Variants in PTPRO observed in about 807,000 individuals in gnomAD.
PTPRO encodes the protein protein tyrosine phosphatase receptor type O.
A neutral mutation model predicts 145.2 loss-of-function variants in PTPRO; 62 were observed. The observed-to-expected ratio is 0.43, with a 90% CI of 0.35 to 0.53. The LOEUF (loss-of-function observed/expected upper bound fraction) is 0.53, where lower values mean the gene tolerates loss of function less well. Ranked by LOEUF, PTPRO falls within the 20% of genes least tolerant of loss-of-function variation. The pLI, the probability that PTPRO is intolerant of heterozygous loss-of-function variation, is 0.01. For synonymous variants in PTPRO, 565 were observed against 514.7 expected (o/e 1.10, Z -1.32); for missense variants, 1,345 against 1,482.7 (o/e 0.91, Z 1.53).
chr12:15,544,484 G>C (rs1366271617), intron 12 of PTPRO, among the ~76,000 whole-genome samples: 1 of 132,140 alleles, frequency 7.6e-6, no homozygotes, highest in Non-Finnish European at 1.6e-5. Context: ...CTCCAGCCTG[G>C]TGACAGAGCG....
chr12:15,444,902 G>A (rs556445561), intron 1 of PTPRO, among the ~76,000 whole-genome samples: 9 of 152,136 alleles, frequency 5.9e-5, no homozygotes, highest in African/African-American at 1.9e-4. Flanking sequence ...TTTCACACTG[G>A]CCTTATTCCA....
intron 1 of PTPRO, among the ~76,000 whole-genome samples, chr12:15,430,204 C>T (rs1281514812): frequency 6.6e-6 from 1 of 151,228 alleles, no homozygotes; most frequent in Non-Finnish European, 1.5e-5. Context: ...AGAGGAGTCC[C>T]TACAGAGATA....
Position 15,354,315 on chromosome 12 carries a change from C to T in PTPRO, c.75+31514C>T, listed in dbSNP as rs117980549. ...TGATTTCACCGTTCTTCCACTGAAG[C>T]TTCACCATAAATGTGATGTTTGTTC... is the stretch of plus-strand genomic sequence containing the variant. On this transcript the variant is annotated intron_variant, in intron 1 of 26. Transcript: ENST00000281171. Among the ~76,000 whole-genome samples the T allele has an allele frequency of 9.8e-5, 15 of 152,292 alleles. No homozygotes were observed. The East Asian group carries it at 2.9e-3, about 29-fold the overall frequency.
intron 19 of PTPRO, among the ~76,000 whole-genome samples, chr12:15,578,091 C>A (rs1944225904): frequency 6.6e-6 from 1 of 152,160 alleles, no homozygotes; most frequent in Admixed American, 6.5e-5. Context: ...ACAGATCCAT[C>A]TTTATGTTTG....
At chr12:15,471,598 A>G (rs1565649494) in intron 1 of PTPRO, among the ~76,000 whole-genome samples, 1 of 152,156 alleles carries the variant, frequency 6.6e-6, no homozygotes, top group Non-Finnish European at 1.5e-5. Flanking sequence ...GCTCTTTGTT[A>G]TGTCATCATC....
rs1565594054 is a variant in PTPRO at position 15,375,536 on chromosome 12, T to C, written c.75+52735T>C. ...ACTCTGGGAGGCCAAGGTGGGTGGA[T>C]CACGAGGTCAGCAGTTTGAGACCAG... is the stretch of plus-strand genomic sequence containing the variant. On this transcript the variant is annotated intron_variant, in intron 1 of 26. Coordinates refer to ENST00000281171, the MANE Select transcript of PTPRO (RefSeq NM_030667.3). 2.0e-5 allele frequency among the ~76,000 whole-genome samples: 3 copies of C among 152,034 alleles called. 1 individual carries two copies. The highest frequency in any genetic ancestry group is 2.0e-4 in the Admixed American group (3 of 15,262).
At chr12:15,592,603 A>G (rs1233189944) in intron 25 of PTPRO, among the ~76,000 whole-genome samples, 2 of 152,168 alleles carry the variant, frequency 1.3e-5, no homozygotes, top group African/African-American at 4.8e-5. Context: ...TCTTCACGCA[A>G]GTAGAGGCGT....
intron 2 of PTPRO, among the ~76,000 whole-genome samples, chr12:15,496,134 CTTTTTTTGT>C (rs1942097959): frequency 2.1e-5 from 2 of 93,134 alleles, no homozygotes; most frequent in East Asian, 3.3e-4. Flanking sequence ...TTTTTCTTTT[CTTTTTTTGT>C]TTTTTTTTTT....
chr12:15,324,117 A>G (rs1040962027), intron 1 of PTPRO, among the ~76,000 whole-genome samples: 2 of 152,170 alleles, frequency 1.3e-5, no homozygotes, highest in Admixed American at 6.5e-5. Context: ...ACACATCATA[A>G]ATGCATTAGA....
At chr12:15,580,616 A>T (rs1944289162) in intron 21 of PTPRO, 81 bp from the exon 22 acceptor site, 4 of 1,574,814 alleles carry the variant, frequency 2.5e-6, no homozygotes, top group Non-Finnish European at 3.5e-6. Context: ...GTAAGTTTTC[A>T]GTTTTTTTCC....
intron 1 of PTPRO, among the ~76,000 whole-genome samples, chr12:15,456,618 T>C (rs1198547810): frequency 1.3e-5 from 2 of 152,242 alleles, no homozygotes; most frequent in African/African-American, 4.8e-5. Context: ...GAAAAGTATT[T>C]GATCACTGAT....
intron 1 of PTPRO, among the ~76,000 whole-genome samples, chr12:15,352,294 G>T (rs967782773): frequency 5.9e-5 from 9 of 152,228 alleles, no homozygotes; most frequent in African/African-American, 2.2e-4. Flanking sequence ...TAGCCAGGAA[G>T]GCACTATTTT....
At chr12:15,524,167 A>AAC (rs903700717) in intron 10 of PTPRO, among the ~76,000 whole-genome samples, 1 of 151,652 alleles carries the variant, frequency 6.6e-6, no homozygotes, top group African/African-American at 2.4e-5. Context: ...TAAAAAAAAA[A>AAC]AAAAAAAAAA....
Position 15,488,898 on chromosome 12 carries a change from A to G in PTPRO, c.349+4651A>G, listed in dbSNP as rs183233024. On this transcript the variant is annotated intron_variant, in intron 2 of 26. Transcript: ENST00000281171. ...GGGTAGTTTCTCAGCACGTAAAAGG[A>G]TGCCTGGAATCAGTTCCTTGGAAAT... Among the ~76,000 whole-genome samples, 866 of 152,242 alleles carry G rather than the reference A, an allele frequency of 5.7e-3. 54 individuals carry two copies. In the East Asian group the frequency reaches 0.13, roughly 23 times the overall value.
chr12:15,408,823 C>T (rs377231262), intron 1 of PTPRO, among the ~76,000 whole-genome samples: 8 of 152,018 alleles, frequency 5.3e-5, no homozygotes, highest in Non-Finnish European at 4.4e-5. Context: ...TATATAACAC[C>T]GTTAGCTTCT....
rs928458850 is a variant in PTPRO at position 15,502,093 on chromosome 12, G to A, written c.1105+30G>A. ...AGCAGTAGGAAATCAGAGGAAATAA[G>A]AACTGATACAAAGGAAGGGGAATTG... On this transcript the variant is annotated intron_variant, in intron 5 of 26. Transcript: ENST00000281171. 6 of 1,560,784 alleles carry A rather than the reference G, an allele frequency of 3.8e-6. No individual in the cohort carries two copies. In the Admixed American group the frequency reaches 1.0e-4, roughly 26 times the overall value.
chr12:15,328,832 TA>T (rs1188591846), intron 1 of PTPRO, among the ~76,000 whole-genome samples: 2 of 152,220 alleles, frequency 1.3e-5, no homozygotes, highest in East Asian at 3.8e-4. Context: ...ATTTCTATCT[TA>T]ATGAAAATTT....
chr12:15,524,904 C>G lies in PTPRO; in HGVS notation c.1982C>G (p.Ser661Cys). 1 of 1,613,792 alleles carries G rather than the reference C, an allele frequency of 6.2e-7. No homozygotes were observed. The highest frequency in any genetic ancestry group is 8.5e-7 in the Non-Finnish European group (1 of 1,179,810). ...WTYGDDTTDLSHSRMLHWMVV... is the reference protein window; with the variant it reads ...WTYGDDTTDLCHSRMLHWMVV... ...TATGGGGATGATACAACGGACTTGT[C>G]CCATTCTAGAATGCTTCACTGGATG... Residue 661 changes from serine (S) to cysteine (C), a missense_variant, in exon 11 of 27, where the codon TCC becomes TGC. By Grantham distance (112) the Ser-to-Cys change is moderately radical. Transcript: ENST00000281171.
At chr12:15,410,705 G>A (rs1321839723) in intron 1 of PTPRO, 1 of 152,134 alleles carries the variant, frequency 6.6e-6, no homozygotes, top group Non-Finnish European at 1.5e-5. Flanking sequence ...TAAGCATTGT[G>A]ACAGAGAATG....
Sources: allele counts gnomAD v4.1 joint callset (sites outside exome capture counted in the v4.1 genomes callset), GRCh38; gene constraint gnomAD v4.1.1; transcripts MANE v1.5; gene names NCBI Gene and HGNC (gene_info 2026-07-23, HGNC 2026-07-21).